The following TNNI3K variants were observed in gnomAD, a reference collection of about 807,000 sequenced individuals.
TNNI3K encodes the protein serine/threonine-protein kinase TNNI3K.
TNNI3K carries 140 observed loss-of-function variants against 114.5 expected under a neutral mutation model. That is an observed-to-expected ratio of 1.22 (90% CI 1.07 to 1.41). The LOEUF (loss-of-function observed/expected upper bound fraction) is 1.41, where lower values mean the gene tolerates loss of function less well. TNNI3K is among the 40% of genes most tolerant of loss of function. TNNI3K has a pLI of 0.00. For missense variants in TNNI3K, 1,125 were observed against 1,007.6 expected, an observed-to-expected ratio of 1.12 and a Z score of -1.58; for synonymous variants, 347 against 347.5, an observed-to-expected ratio of 1.00 and a Z score of 0.02.
chr1:74,472,922 T>C (rs1668007797), intron 21 of TNNI3K, among the ~76,000 whole-genome samples: 1 of 152,064 alleles, frequency 6.6e-6, no homozygotes, highest in African/African-American at 2.4e-5. Flanking sequence ...CATGTTACAA[T>C]CTTTCATTTA....
intron 23 of TNNI3K, among the ~76,000 whole-genome samples, chr1:74,504,972 A>T (rs1669819327): frequency 2.0e-5 from 3 of 152,200 alleles, no homozygotes; most frequent in Admixed American, 2.0e-4. Context: ...ATAAATGGTG[A>T]CAGATTTCTC....
rs1390591282 is a variant in TNNI3K, at chr1:74,274,459, A to C, written c.444+2751A>C. On this transcript the variant is annotated intron_variant, in intron 5 of 24. Transcript: ENST00000326637. ...TATCTTTACCCATACGTGTGAATTCATTTAACATTTTTTCAGCCCCTACTT... is the reference window on the plus strand; with the variant it reads ...TATCTTTACCCATACGTGTGAATTCCTTTAACATTTTTTCAGCCCCTACTT... Among the ~76,000 whole-genome samples the C allele has an allele frequency of 2.0e-5, 3 of 152,120 alleles. No individual in the cohort carries two copies. The South Asian group carries it at 6.2e-4, about 32-fold the overall frequency.
intron 5 of TNNI3K, among the ~76,000 whole-genome samples, chr1:74,308,081 C>T (rs191093235): frequency 7.2e-4 from 110 of 151,844 alleles, no homozygotes; most frequent in African/African-American, 2.4e-3. Flanking sequence ...ACTTCAACAT[C>T]CCAGTAATTG....
At chr1:74,293,156 A>G (rs938621157) in intron 5 of TNNI3K, among the ~76,000 whole-genome samples, 4 of 151,716 alleles carry the variant, frequency 2.6e-5, no homozygotes, top group Admixed American at 2.0e-4. Context: ...TTTGCCTGAA[A>G]GATTAATTCA....
intron 5 of TNNI3K, among the ~76,000 whole-genome samples, chr1:74,321,845 G>A (rs1385964913): frequency 6.6e-6 from 1 of 151,924 alleles, no homozygotes; most frequent in East Asian, 1.9e-4. Context: ...CTTAATTAGA[G>A]ATATGTCAAG....
intron 20 of TNNI3K, among the ~76,000 whole-genome samples, chr1:74,449,237 C>T (rs1343854395): frequency 1.3e-5 from 2 of 151,754 alleles, no homozygotes; most frequent in East Asian, 1.9e-4. Context: ...CTAGATTTTC[C>T]AGTTTATTTG....
At chr1:74,476,087 C>T (rs1260313796) in intron 21 of TNNI3K, among the ~76,000 whole-genome samples, 1 of 152,118 alleles carries the variant, frequency 6.6e-6, no homozygotes, top group Non-Finnish European at 1.5e-5. Flanking sequence ...TGAACTGAAA[C>T]TCATTTAAGA....
intron 6 of TNNI3K, among the ~76,000 whole-genome samples, chr1:74,335,688 C>T (rs183351935): frequency 6.6e-6 from 1 of 152,084 alleles, no homozygotes; most frequent in Admixed American, 6.6e-5. Context: ...AAAAAATGGT[C>T]GCTTGTTCCA....
At chr1:74,381,802 A>G (rs1663217649) in intron 17 of TNNI3K, among the ~76,000 whole-genome samples, 1 of 152,184 alleles carries the variant, frequency 6.6e-6, no homozygotes, top group Admixed American at 6.6e-5. Context: ...CTTCTCAGTG[A>G]TTCTTCTTCC....
intron 17 of TNNI3K, among the ~76,000 whole-genome samples, chr1:74,425,992 G>T (rs142166830): frequency 1.4e-5 from 1 of 69,552 alleles, no homozygotes; most frequent in African/African-American, 6.1e-5. Flanking sequence ...ACGCTGAAAG[G>T]TTCAGTGAAT....
chr1:74,400,296 A>G (rs1664292877), intron 17 of TNNI3K, among the ~76,000 whole-genome samples: 1 of 152,162 alleles, frequency 6.6e-6, no homozygotes, highest in Non-Finnish European at 1.5e-5. Context: ...CGATCCCACT[A>G]CTTCCTTTAA....
rs566973449 is a variant in TNNI3K at position 74,250,886 on chromosome 1, C to T, written c.333+117C>T. 44 of 810,024 alleles carry T rather than the reference C, an allele frequency of 5.4e-5. No homozygotes were observed. The African/African-American group carries it at 7.1e-4, about 13-fold the overall frequency. 50.2% of individuals were successfully genotyped at this position (810,024 alleles called of 1,614,324 possible). On this transcript the variant is annotated intron_variant, in intron 4 of 24. Coordinates refer to ENST00000326637, the MANE Select transcript of TNNI3K (RefSeq NM_015978.3). The stretch of plus-strand genomic sequence containing the variant: ...ATGGAAAATTTTCAGTGACCAGAGG[C>T]GTTACATTACTAAAGGACTTCTTTC...
rs1243833600 is a variant in TNNI3K, at chr1:74,540,344, G to A, written c.2431+31G>A. The A allele has an allele frequency of 2.5e-6, 4 of 1,597,134 alleles. 1 individual carries two copies. In the South Asian group the frequency reaches 3.4e-5, roughly 13 times the overall value. On this transcript the variant is annotated intron_variant, in intron 24 of 24. Transcript: ENST00000326637. ...TAGGCAGATTCTTTAGGTTTGTTAA[G>A]AAAACTACCCCTAGGAAGGTGATGT...
intron 5 of TNNI3K, among the ~76,000 whole-genome samples, chr1:74,287,671 G>T (rs950766229): frequency 6.6e-6 from 1 of 151,970 alleles, no homozygotes; most frequent in Non-Finnish European, 1.5e-5. Context: ...AATTGGTTTG[G>T]GCAATGATTT....
intron 20 of TNNI3K, among the ~76,000 whole-genome samples, chr1:74,454,946 A>G (rs1667169960): frequency 6.6e-6 from 1 of 152,174 alleles, no homozygotes. Context: ...GTGGTTGATA[A>G]TAATAAGCAC....
chr1:74,391,954 A>ATTTTTTTTTTTTTTTTT (rs1557539031), intron 17 of TNNI3K, among the ~76,000 whole-genome samples: 6 of 93,250 alleles, frequency 6.4e-5, no homozygotes, highest in African/African-American at 3.4e-4. Flanking sequence ...GGTACAGCTT[A>ATTTTTTTTTTTTTTTTT]TTATTTTTTT....
chr1:74,500,773 C>T (rs1301887787), intron 23 of TNNI3K, among the ~76,000 whole-genome samples: 1 of 151,512 alleles, frequency 6.6e-6, no homozygotes, highest in East Asian at 1.9e-4. Flanking sequence ...TTTTTCCCTG[C>T]ACCTTCAGGG....
At chr1:74,336,599 T>C (rs1201892182) in intron 7 of TNNI3K, among the ~76,000 whole-genome samples, 1 of 150,520 alleles carries the variant, frequency 6.6e-6, no homozygotes, top group East Asian at 2.0e-4. Context: ...GAATATGTGG[T>C]GTTTGGTTTT....
At chr1:74,312,220 A>T (rs563306255) in intron 5 of TNNI3K, among the ~76,000 whole-genome samples, 1 of 152,362 alleles carries the variant, frequency 6.6e-6, no homozygotes, top group South Asian at 2.1e-4. Flanking sequence ...TCTGGAGATT[A>T]TTAAAAGTAG....
Sources: allele counts gnomAD v4.1 joint callset (sites outside exome capture counted in the v4.1 genomes callset), GRCh38; gene constraint gnomAD v4.1.1; transcripts MANE v1.5; gene names NCBI Gene and HGNC (gene_info 2026-07-23, HGNC 2026-07-21).